NOX4: variants seen among roughly 807,000 people sequenced by gnomAD.
NOX4 encodes the protein kidney oxidase-1.
In NOX4, 69 loss-of-function variants were observed where a neutral mutation model predicts 87.6. That is an observed-to-expected ratio of 0.79 (90% CI 0.65 to 0.96). The LOEUF (loss-of-function observed/expected upper bound fraction) is 0.96, where lower values mean the gene tolerates loss of function less well. Among genes scored for constraint, NOX4 ranks in the 40% least tolerant of loss-of-function variants. The probability of loss-of-function intolerance (pLI) is 0.00; values close to 1 mark genes in which losing one functional copy is unlikely to be tolerated. For synonymous variants in NOX4, 275 were observed against 238.2 expected, an observed-to-expected ratio of 1.15 and a Z score of -1.42; for missense variants, 680 against 681.5, an observed-to-expected ratio of 1.00 and a Z score of 0.02.
intron 2 of NOX4, among the ~76,000 whole-genome samples, chr11:89,483,765 A>C (rs1946485019): frequency 6.6e-6 from 1 of 152,122 alleles, no homozygotes; most frequent in African/African-American, 2.4e-5. Context: ...TTTTATCACA[A>C]AAAAAGATAA....
intron 6 of NOX4, among the ~76,000 whole-genome samples, chr11:89,437,880 A>G (rs1944161145): frequency 6.6e-6 from 1 of 152,094 alleles, no homozygotes; most frequent in Non-Finnish European, 1.5e-5. Context: ...ACATCCTCTC[A>G]CATACTTTAA....
At chr11:89,481,469 C>T (rs535153603) in intron 2 of NOX4, among the ~76,000 whole-genome samples, 164 of 152,034 alleles carry the variant, frequency 1.1e-3, no homozygotes, top group Middle Eastern at 3.4e-3. Flanking sequence ...GGCTTAAGCC[C>T]TATTTTATGA....
At chr11:89,377,182 G>A (rs78609037) in intron 11 of NOX4, among the ~76,000 whole-genome samples, 2,984 of 152,234 alleles carry the variant, frequency 0.02, 83 homozygotes, top group East Asian at 0.13. Flanking sequence ...ATTGAAGACA[G>A]AGAAAACAAG....
At chr11:89,429,450 G>A (rs1316161835) in intron 7 of NOX4, among the ~76,000 whole-genome samples, 1 of 152,056 alleles carries the variant, frequency 6.6e-6, no homozygotes, top group Non-Finnish European at 1.5e-5. Flanking sequence ...CAACAAAATT[G>A]ATAGACCGCT....
At chr11:89,384,005 C>T (rs981682418) in intron 11 of NOX4, among the ~76,000 whole-genome samples, 12 of 152,230 alleles carry the variant, frequency 7.9e-5, no homozygotes, top group South Asian at 4.1e-4. Flanking sequence ...AGGATTAAGG[C>T]CTGTAATCAC....
At chr11:89,345,239 G>A (rs1464455356) in intron 13 of NOX4, among the ~76,000 whole-genome samples, 1 of 152,142 alleles carries the variant, frequency 6.6e-6, no homozygotes, top group Non-Finnish European at 1.5e-5. Context: ...CATTCCCCCA[G>A]GAGCTACTGA....
the NOX4 span, among the ~76,000 whole-genome samples, chr11:89,512,597 C>T: frequency 6.6e-6 from 1 of 152,066 alleles, no homozygotes; most frequent in African/African-American, 2.4e-5. Context: ...TCACAAATGG[C>T]AGAATTTCCT....
intron 12 of NOX4, among the ~76,000 whole-genome samples, chr11:89,367,258 A>G (rs1939078063): frequency 6.6e-6 from 1 of 152,152 alleles, no homozygotes; most frequent in South Asian, 2.1e-4. Flanking sequence ...AGGTAGTTAC[A>G]TCTGTATTTG....
chr11:89,396,663 G>T (rs546720650), intron 11 of NOX4, among the ~76,000 whole-genome samples: 1 of 152,078 alleles, frequency 6.6e-6, no homozygotes. Flanking sequence ...AGCAGGGATT[G>T]CAATCCTAGT....
chr11:89,373,109 A>G (rs1397595477), intron 12 of NOX4, among the ~76,000 whole-genome samples: 1 of 151,714 alleles, frequency 6.6e-6, no homozygotes, highest in African/African-American at 2.4e-5. Context: ...TTTCTAAGAA[A>G]CACATTTCAG....
intron 12 of NOX4, among the ~76,000 whole-genome samples, chr11:89,365,261 C>A (rs1477855295): frequency 2.0e-5 from 3 of 152,028 alleles, no homozygotes; most frequent in Non-Finnish European, 4.4e-5. Flanking sequence ...CTGTGATACT[C>A]ATTATTTTGC....
chr11:89,374,462 C>T lies in NOX4; in HGVS notation c.1075-970G>A, dbSNP rs1037513941. Among the ~76,000 whole-genome samples the T allele has an allele frequency of 6.9e-4, 105 of 152,252 alleles. 1 individual carries two copies. Among genetic ancestry groups the T allele is most frequent in the African/African-American group, 2.2e-3 (92 of 41,554 alleles). On this transcript the variant is annotated intron_variant, in intron 11 of 17. Transcript: ENST00000263317. Reference sequence around the variant, plus strand: ...CTATGGGTAAGGGACCATCTGCCTGCGACTACCCAGCTTTTATCAAGTACC... The same window carrying T: ...CTATGGGTAAGGGACCATCTGCCTGTGACTACCCAGCTTTTATCAAGTACC...
chr11:89,589,410 C>G, the NOX4 span: 2 of 152,226 alleles, frequency 1.3e-5, no homozygotes, highest in Admixed American at 1.3e-4. Flanking sequence ...CTATGTAATA[C>G]TAAGACTGAA....
chr11:89,500,075 T>C (rs2135510891), upstream of NOX4, among the ~76,000 whole-genome samples: 1 of 152,296 alleles, frequency 6.6e-6, no homozygotes, highest in Non-Finnish European at 1.5e-5. Flanking sequence ...TGTATTCTAT[T>C]ATGTGTTGCC....
chr11:89,536,302 A>T, the NOX4 span, among the ~76,000 whole-genome samples: 2 of 150,586 alleles, frequency 1.3e-5, no homozygotes, highest in African/African-American at 2.4e-5. Context: ...GCCCGCCACC[A>T]TGCCCGGGTA....
the NOX4 span, among the ~76,000 whole-genome samples, chr11:89,523,029 T>TC: frequency 6.6e-6 from 1 of 152,092 alleles, no homozygotes; most frequent in Non-Finnish European, 1.5e-5. Context: ...TTTTTTCTTT[T>TC]CTTTTTTTTC....
At chr11:89,569,553 G>C in the NOX4 span, among the ~76,000 whole-genome samples, 1 of 152,248 alleles carries the variant, frequency 6.6e-6, no homozygotes, top group African/African-American at 2.4e-5. Flanking sequence ...AGTTGATGCT[G>C]ATGAGATTAA....
chr11:89,432,115 AC>A (rs1169297502), intron 7 of NOX4, among the ~76,000 whole-genome samples: 3 of 151,596 alleles, frequency 2.0e-5, no homozygotes, highest in Non-Finnish European at 4.4e-5. Flanking sequence ...AAAACTATAC[AC>A]CACATGTTCT....
At chr11:89,504,427 A>G in the NOX4 span, among the ~76,000 whole-genome samples, 2 of 152,008 alleles carry the variant, frequency 1.3e-5, no homozygotes, top group African/African-American at 2.4e-5. Context: ...TTTTAAAAAC[A>G]TCACTCTGTC....
Sources: gnomAD v4.1 joint callset for allele counts (sites outside exome capture counted in the v4.1 genomes callset) on GRCh38, gnomAD v4.1.1 for gene constraint, MANE v1.5 for transcripts, NCBI Gene and HGNC (gene_info 2026-07-23, HGNC 2026-07-21) for gene names.